UXS1: variants seen among roughly 807,000 people sequenced by gnomAD.
The protein encoded by UXS1 is UDP-glucuronate decarboxylase 1, also known as UDP-glucuronic acid decarboxylase 1.
Under a neutral mutation model 62.6 loss-of-function variants are expected in UXS1, and 33 were observed. That is an observed-to-expected ratio of 0.53 (90% CI 0.40 to 0.70). The LOEUF (loss-of-function observed/expected upper bound fraction) is 0.70. UXS1 is among the 30% of genes least tolerant of loss of function. The probability of loss-of-function intolerance (pLI) is 0.00; values close to 1 mark genes in which losing one functional copy is unlikely to be tolerated. For synonymous variants in UXS1, 213 were observed against 206.8 expected, an observed-to-expected ratio of 1.03 and a Z score of -0.26; for missense variants, 434 against 556.3, an observed-to-expected ratio of 0.78 and a Z score of 2.21.
intron 6 of UXS1, among the ~76,000 whole-genome samples, chr2:106,140,697 A>G (rs1035160848): frequency 1.3e-5 from 2 of 152,196 alleles, no homozygotes; most frequent in Admixed American, 6.5e-5. Flanking sequence ...GGGTATTGAC[A>G]TAATTAAACT....
chr2:106,158,860 C>A (rs1309064146), intron 4 of UXS1, among the ~76,000 whole-genome samples: 1 of 152,158 alleles, frequency 6.6e-6, no homozygotes, highest in Non-Finnish European at 1.5e-5. Flanking sequence ...CCTAAGGAAA[C>A]GGTATTTGAG....
At chr2:106,184,475 T>C (rs1234150950) in intron 1 of UXS1, among the ~76,000 whole-genome samples, 2 of 152,250 alleles carry the variant, frequency 1.3e-5, no homozygotes, top group East Asian at 1.9e-4. Flanking sequence ...CTATCACAAA[T>C]ATACTACACA....
At chr2:106,126,653 T>C (rs1679980580) in intron 7 of UXS1, among the ~76,000 whole-genome samples, 1 of 152,216 alleles carries the variant, frequency 6.6e-6, no homozygotes, top group South Asian at 2.1e-4. Flanking sequence ...GATCTTTTTC[T>C]TCCTGATTAA....
At chr2:106,125,447 C>T (rs758068229) in intron 8 of UXS1, among the ~76,000 whole-genome samples, 173 bp downstream of exon 8, 2 of 152,184 alleles carry the variant, frequency 1.3e-5, no homozygotes, top group African/African-American at 2.4e-5. Flanking sequence ...GAGAGGCTGT[C>T]CCACAAGGAA....
At chr2:106,153,643 C>T (rs1303967831) in intron 5 of UXS1, among the ~76,000 whole-genome samples, 1 of 152,134 alleles carries the variant, frequency 6.6e-6, no homozygotes, top group Non-Finnish European at 1.5e-5. Context: ...TTTTCTACAA[C>T]AAATTACAAG....
At chr2:106,164,586 C>A in intron 3 of UXS1, 150 bp downstream of exon 3, 1 of 584,576 alleles carries the variant, frequency 1.7e-6, no homozygotes, top group South Asian at 2.2e-5. Flanking sequence ...ACTGCATGTC[C>A]TCTTAAATAA....
chr2:106,160,626 T>C (rs1039920303), intron 4 of UXS1: 1 of 152,226 alleles, frequency 6.6e-6, no homozygotes, highest in Non-Finnish European at 1.5e-5. Context: ...CAGCTTAGAA[T>C]AGTCCCTATC....
intron 12 of UXS1, among the ~76,000 whole-genome samples, chr2:106,100,614 A>C (rs1677510544): frequency 6.6e-6 from 1 of 152,218 alleles, no homozygotes; most frequent in Admixed American, 6.5e-5. Context: ...GCAGGCATGC[A>C]GGGAAGGCGA....
intron 9 of UXS1, among the ~76,000 whole-genome samples, chr2:106,122,486 G>A (rs1437837876): frequency 2.6e-5 from 4 of 152,182 alleles, no homozygotes; most frequent in Non-Finnish European, 4.4e-5. Context: ...ATAACATGCA[G>A]GTGACCAAAT....
chr2:106,193,769 AG>A lies in UXS1; in HGVS notation c.94+378del, dbSNP rs1275111998. 3.3e-5 allele frequency among the ~76,000 whole-genome samples: 5 copies of A among 151,294 alleles called. No homozygotes were observed. In the East Asian group the frequency reaches 9.9e-4, roughly 30 times the overall value. ...CGCGGCGCGACCTCGGCTGTCCCCA[AG>A]GGTATCCCCACGCGGCACGCTCCGG... On this transcript the variant is annotated intron_variant, in intron 1 of 14. Transcript: ENST00000283148.
chr2:106,127,925 C>G (rs1259921676), intron 7 of UXS1, among the ~76,000 whole-genome samples: 1 of 152,184 alleles, frequency 6.6e-6, no homozygotes, highest in Non-Finnish European at 1.5e-5. Flanking sequence ...CTTTGGGAGA[C>G]TTTCCTTTCC....
At chr2:106,098,497 A>C (rs1869064) in intron 13 of UXS1, among the ~76,000 whole-genome samples, 113,524 of 152,170 alleles carry the variant, frequency 0.75, 42,655 homozygotes, top group South Asian at 0.78. Context: ...CTCCCACTTC[A>C]TGCAAACCTG....
chr2:106,167,433 C>T (rs1288360517), intron 1 of UXS1, among the ~76,000 whole-genome samples: 1 of 152,082 alleles, frequency 6.6e-6, no homozygotes, highest in Non-Finnish European at 1.5e-5. Flanking sequence ...ATCTCATAAC[C>T]CCAGGCATCT....
At chr2:106,188,328 G>A (rs894577022) in intron 1 of UXS1, among the ~76,000 whole-genome samples, 2 of 152,142 alleles carry the variant, frequency 1.3e-5, no homozygotes, top group Admixed American at 6.5e-5. Flanking sequence ...GAGAGGGCAC[G>A]GACGTGGGCG....
In UXS1 at chr2:106,101,123, A is replaced by G. The variant is rs552410272; in HGVS notation, c.924-5T>C. The G allele has an allele frequency of 1.4e-4, 230 of 1,612,348 alleles. 1 individual carries two copies. In the East Asian group the frequency reaches 5.0e-3, roughly 35 times the overall value. On this transcript the variant is annotated splice_region_variant and splice_polypyrimidine_tract_variant and intron_variant, in intron 11 of 14. Transcript: ENST00000283148. The stretch of plus-strand genomic sequence containing the variant: ...ACGAGGCCATTCACTAGATCGCTGG[A>G]AAAAAAGGGGAGGCAGGTGAGGCTC...
intron 6 of UXS1, chr2:106,138,882 A>G (rs1371892771): frequency 1.3e-5 from 13 of 985,158 alleles, no homozygotes; most frequent in Non-Finnish European, 1.6e-5. Context: ...TTCCTATCCT[A>G]AAAAGGGCAC....
rs550143302 is a variant in UXS1, at chr2:106,128,148, G to A, written c.577+1526C>T. On this transcript the variant is annotated intron_variant, in intron 7 of 14. Transcript: ENST00000283148. ...TTCCTCTATGGTCTAGTTCTGGTATGATGGAGGGGGGCGGGACAGAGAGAG... is the reference window on the plus strand; with the variant it reads ...TTCCTCTATGGTCTAGTTCTGGTATAATGGAGGGGGGCGGGACAGAGAGAG... Among the ~76,000 whole-genome samples, 82 of 152,230 alleles carry A rather than the reference G, an allele frequency of 5.4e-4. 1 individual carries two copies. The highest frequency in any genetic ancestry group is 1.9e-3 in the African/African-American group (77 of 41,526).
At chr2:106,097,975 C>T (rs1677261875) in intron 13 of UXS1, among the ~76,000 whole-genome samples, 1 of 152,212 alleles carries the variant, frequency 6.6e-6, no homozygotes, top group Non-Finnish European at 1.5e-5. Context: ...CAGCCTGATG[C>T]CAGGAAGGGC....
chr2:106,183,779 AAATT>A lies in UXS1; in HGVS notation c.94+10365_94+10368del, dbSNP rs1684392358. On this transcript the variant is annotated intron_variant, in intron 1 of 14. Coordinates refer to ENST00000283148, the MANE Select transcript of UXS1 (RefSeq NM_001253875.2). ...TTCAATTCCTCACAGTATTTAAAAC[AAATT>A]ATTTTTACCTGCAAGGCAAAGGAGT... 2.0e-5 allele frequency: 3 copies of A among 152,338 alleles called. No homozygotes were observed. The South Asian group carries it at 6.2e-4, about 32-fold the overall frequency. The allele number at this position is 152,338 out of a possible 1,614,324, so 9.4% of individuals were successfully genotyped here.
Sources: gnomAD v4.1 joint callset for allele counts (sites outside exome capture counted in the v4.1 genomes callset) on GRCh38, gnomAD v4.1.1 for gene constraint, MANE v1.5 for transcripts, NCBI Gene and HGNC (gene_info 2026-07-23, HGNC 2026-07-21) for gene names.